The following EEF1AKMT1 variants were observed in gnomAD, a reference collection of about 807,000 sequenced individuals.
The protein encoded by EEF1AKMT1 is N-6 adenine-specific DNA methyltransferase 2 (putative).
EEF1AKMT1 carries 18 observed loss-of-function variants against 21.0 expected under a neutral mutation model. The observed-to-expected ratio is 0.86, with a 90% CI of 0.59 to 1.27. The LOEUF is 1.27. Among genes scored for constraint, EEF1AKMT1 ranks in the 50% most tolerant of loss-of-function variants. The pLI is 0.00. For synonymous variants in EEF1AKMT1, 109 were observed against 94.8 expected (o/e 1.15, Z -0.87); for missense variants, 246 against 258.6 (o/e 0.95, Z 0.33).
intron 1 of EEF1AKMT1, among the ~76,000 whole-genome samples, chr13:20,765,073 A>G (rs2059021017): frequency 6.6e-6 from 1 of 152,024 alleles, no homozygotes; most frequent in Non-Finnish European, 1.5e-5. Context: ...CAGCCTGGTC[A>G]ACATAACGAA....
chr13:20,741,514 T>G (rs1029595906), intron 2 of EEF1AKMT1, among the ~76,000 whole-genome samples: 2 of 146,674 alleles, frequency 1.4e-5, no homozygotes, highest in Admixed American at 1.4e-4. Flanking sequence ...TGGAGTACAG[T>G]GGTGCAATCT....
chr13:20,756,211 C>T (rs1277748645), intron 2 of EEF1AKMT1, among the ~76,000 whole-genome samples: 1 of 151,942 alleles, frequency 6.6e-6, no homozygotes, highest in Non-Finnish European at 1.5e-5. Flanking sequence ...GAAGATACAC[C>T]TATTATCAAG....
At chr13:20,772,763 G>A (rs1460582328) in intron 1 of EEF1AKMT1, among the ~76,000 whole-genome samples, 1 of 152,198 alleles carries the variant, frequency 6.6e-6, no homozygotes, top group African/African-American at 2.4e-5. Flanking sequence ...TGCAGCATAA[G>A]CAGGGATTAG....
At chr13:20,748,275 A>T (rs1436036282) in intron 2 of EEF1AKMT1, among the ~76,000 whole-genome samples, 1 of 152,156 alleles carries the variant, frequency 6.6e-6, no homozygotes, top group African/African-American at 2.4e-5. Flanking sequence ...CTCTACTAAA[A>T]ATACAAAGAA....
At chr13:20,771,908 G>C (rs1259281051) in intron 1 of EEF1AKMT1, among the ~76,000 whole-genome samples, 1 of 152,078 alleles carries the variant, frequency 6.6e-6, no homozygotes, top group Non-Finnish European at 1.5e-5. Flanking sequence ...CTACTCAGGA[G>C]GCTGAGACAG....
chr13:20,739,303 A>G (rs1258464074), intron 2 of EEF1AKMT1, among the ~76,000 whole-genome samples: 1 of 152,192 alleles, frequency 6.6e-6, no homozygotes, highest in Non-Finnish European at 1.5e-5. Flanking sequence ...TATTGTGAGG[A>G]GCAAAAGAAC....
chr13:20,765,405 G>GTTTTTTTTTTTTTTTTTT (rs1171165259), intron 1 of EEF1AKMT1, among the ~76,000 whole-genome samples: 3 of 58,700 alleles, frequency 5.1e-5, no homozygotes, highest in African/African-American at 7.3e-5. Context: ...CTTCCCTTGG[G>GTTTTTTTTTTTTTTTTTT]TTTTTTTTTT....
At chr13:20,743,659 CT>C (rs558443843) in intron 2 of EEF1AKMT1, among the ~76,000 whole-genome samples, 2,100 of 123,504 alleles carry the variant, frequency 0.017, 33 homozygotes, top group African/African-American at 0.043. Context: ...TGACCTTGTG[CT>C]TTTTTTTTTT....
chr13:20,729,487 TACACACAC>T (rs71198993), intron 4 of EEF1AKMT1, among the ~76,000 whole-genome samples: 2 of 150,694 alleles, frequency 1.3e-5, no homozygotes, highest in Non-Finnish European at 3.0e-5. Context: ...AAGCAGATTA[TACACACAC>T]ACACACACAC....
chr13:20,749,793 A>G (rs2058930682), intron 2 of EEF1AKMT1, among the ~76,000 whole-genome samples: 2 of 152,242 alleles, frequency 1.3e-5, no homozygotes, highest in South Asian at 4.1e-4. Flanking sequence ...TCTATTTTTA[A>G]AAGTTTCTAA....
chr13:20,729,986 C>G (rs551809261), intron 4 of EEF1AKMT1, among the ~76,000 whole-genome samples: 1 of 152,336 alleles, frequency 6.6e-6, no homozygotes, highest in East Asian at 1.9e-4. Context: ...CCAATGCCCA[C>G]GGTCCCCTGT....
chr13:20,758,209 C>A (rs1231161951), intron 1 of EEF1AKMT1, among the ~76,000 whole-genome samples: 1 of 152,120 alleles, frequency 6.6e-6, no homozygotes, highest in East Asian at 1.9e-4. Flanking sequence ...AAGCCTGCTG[C>A]CTGCAGGTTT....
intron 2 of EEF1AKMT1, 197 bp downstream of exon 2, chr13:20,757,258 T>C: frequency 2.2e-6 from 1 of 453,102 alleles, no homozygotes; most frequent in South Asian, 6.0e-5. Flanking sequence ...CAAGAACAGC[T>C]GTTCAAGAAA....
chr13:20,760,123 A>AAAAAAAAAAAAAAAAG (rs1555327133), intron 1 of EEF1AKMT1, among the ~76,000 whole-genome samples: 1 of 127,468 alleles, frequency 7.8e-6, no homozygotes, highest in African/African-American at 3.0e-5. Context: ...AAAAAAAAAA[A>AAAAAAAAAAAAAAAAG]AAGTCAAAAA....
At chr13:20,732,378 C>T (rs1184201517) in intron 3 of EEF1AKMT1, among the ~76,000 whole-genome samples, 1 of 152,174 alleles carries the variant, frequency 6.6e-6, no homozygotes, top group East Asian at 1.9e-4. Context: ...GTTGCCAAGG[C>T]TGGAGGGAAG....
intron 1 of EEF1AKMT1, among the ~76,000 whole-genome samples, chr13:20,758,411 G>A (rs1301789211): frequency 1.3e-5 from 2 of 152,056 alleles, no homozygotes; most frequent in Non-Finnish European, 2.9e-5. Context: ...ACCAATATAT[G>A]CCTTACATGT....
intron 2 of EEF1AKMT1, among the ~76,000 whole-genome samples, chr13:20,746,422 A>G (rs1319936529): frequency 6.6e-6 from 1 of 152,214 alleles, no homozygotes; most frequent in East Asian, 1.9e-4. Flanking sequence ...AAGTGCTGGG[A>G]TTAGAGGCAT....
Position 20,728,864 on chromosome 13 carries a change from C to G in EEF1AKMT1, c.*216G>C, listed in dbSNP as rs1046728912. On this transcript the variant is annotated 3_prime_UTR_variant, in exon 5 of 5. Transcript: ENST00000382758. ...GCAGATTCTAAGGTTTCTTCCAACT[C>G]GAATTCCATGGATTCAGGTTGGCAG... 4 of 582,938 alleles carry G rather than the reference C, an allele frequency of 6.9e-6. No individual in the cohort carries two copies. The highest frequency in any genetic ancestry group is 1.2e-5 in the Non-Finnish European group (4 of 330,508). 36.1% of individuals were successfully genotyped at this position (582,938 alleles called of 1,614,324 possible).
intron 2 of EEF1AKMT1, among the ~76,000 whole-genome samples, chr13:20,754,930 G>GT (rs754521359): frequency 3.3e-5 from 5 of 151,826 alleles, no homozygotes; most frequent in Non-Finnish European, 7.4e-5. Context: ...GCCACTTATG[G>GT]TTTTCCTTTA....
Sources: allele counts gnomAD v4.1 joint callset (sites outside exome capture counted in the v4.1 genomes callset), GRCh38; gene constraint gnomAD v4.1.1; transcripts MANE v1.5; gene names NCBI Gene and HGNC (gene_info 2026-07-23, HGNC 2026-07-21).